The following HDAC9 variants were observed in gnomAD, a reference collection of about 807,000 sequenced individuals.
HDAC9 encodes the protein MEF-2 interacting transcription repressor (MITR) protein.
In HDAC9, 41 loss-of-function variants were observed where a neutral mutation model predicts 139.4. That is an observed-to-expected ratio of 0.29 (90% CI 0.23 to 0.38). The LOEUF (loss-of-function observed/expected upper bound fraction) is 0.38. Ranked by LOEUF, HDAC9 falls within the 10% of genes least tolerant of loss-of-function variation. HDAC9 has a pLI of 1.00. For synonymous variants in HDAC9, 517 were observed against 476.2 expected, an observed-to-expected ratio of 1.09 and a Z score of -1.12; for missense variants, 1,147 against 1,297.0, an observed-to-expected ratio of 0.88 and a Z score of 1.78.
intron 2 of HDAC9, among the ~76,000 whole-genome samples, chr7:18,285,025 A>ATT (rs1242054387): frequency 6.6e-6 from 1 of 152,156 alleles, no homozygotes; most frequent in Admixed American, 6.5e-5. Context: ...AAGGAGAAAA[A>ATT]TTAAAATCCA....
chr7:18,700,356 C>G (rs1019561963), intron 12 of HDAC9, among the ~76,000 whole-genome samples: 4 of 152,170 alleles, frequency 2.6e-5, no homozygotes, highest in African/African-American at 9.7e-5. Context: ...CTCACTGCCC[C>G]CTGTGGCCTT....
chr7:18,179,568 C>T (rs887648360), intron 2 of HDAC9, among the ~76,000 whole-genome samples: 1 of 152,136 alleles, frequency 6.6e-6, no homozygotes, highest in Non-Finnish European at 1.5e-5. Flanking sequence ...TCTCTACCCT[C>T]CCTCTCCTAA....
At chr7:18,473,917 T>A (rs150380028) in intron 1 of HDAC9, among the ~76,000 whole-genome samples, 413 of 152,318 alleles carry the variant, frequency 2.7e-3, no homozygotes, top group Non-Finnish European at 4.9e-3. Context: ...AAAAGACTCT[T>A]GTATGAGTTA....
At chr7:18,455,128 G>T (rs1793223338) in intron 1 of HDAC9, among the ~76,000 whole-genome samples, 1 of 151,872 alleles carries the variant, frequency 6.6e-6, no homozygotes, top group African/African-American at 2.4e-5. Flanking sequence ...AGGAGACAGG[G>T]ACATAGAAAT....
intron 6 of HDAC9, among the ~76,000 whole-genome samples, chr7:18,607,405 C>T (rs1160470438): frequency 6.6e-6 from 1 of 152,216 alleles, no homozygotes; most frequent in East Asian, 1.9e-4. Context: ...GTGTGACCTG[C>T]ACATAGTGCA....
chr7:18,366,873 T>G (rs1784221996), intron 1 of HDAC9, among the ~76,000 whole-genome samples: 1 of 149,566 alleles, frequency 6.7e-6, no homozygotes, highest in Non-Finnish European at 1.5e-5. Context: ...TTCTATATAT[T>G]GTGTACTTAA....
Position 18,860,281 on chromosome 7 carries a change from G to GA in HDAC9, c.2685-14188dup, listed in dbSNP as rs774072404. The stretch of plus-strand genomic sequence containing the variant: ...TTTTTCCTGCTATGTGCCCAACTGA[G>GA]AAAAAAAAATCAGCCTTTCCAAATT... On this transcript the variant is annotated intron_variant, in intron 21 of 25. Coordinates refer to ENST00000686413, the MANE Select transcript of HDAC9 (RefSeq NM_178425.4). 4.0e-4 allele frequency among the ~76,000 whole-genome samples: 61 copies of GA among 150,846 alleles called. 1 individual carries two copies. Among genetic ancestry groups the GA allele is most frequent in the Admixed American group, 7.2e-4 (11 of 15,180 alleles).
At chr7:18,138,220 T>C (rs1328591070) in intron 1 of HDAC9, among the ~76,000 whole-genome samples, 3 of 152,114 alleles carry the variant, frequency 2.0e-5, no homozygotes, top group Non-Finnish European at 4.4e-5. Flanking sequence ...GTCTTGCTAG[T>C]GGTCTATCAA....
At chr7:18,399,021 G>T (rs1430989663) in intron 1 of HDAC9, among the ~76,000 whole-genome samples, 1 of 152,110 alleles carries the variant, frequency 6.6e-6, no homozygotes, top group Non-Finnish European at 1.5e-5. Flanking sequence ...TCACCTTATA[G>T]ATTTTAATAA....
intron 1 of HDAC9, among the ~76,000 whole-genome samples, chr7:18,112,518 A>G (rs914550199): frequency 1.3e-5 from 2 of 152,220 alleles, no homozygotes; most frequent in Non-Finnish European, 2.9e-5. Context: ...ATACACAGTC[A>G]TTGTTTCACT....
At chr7:18,493,543 C>T (rs947543342), upstream of HDAC9, among the ~76,000 whole-genome samples, 9 of 151,822 alleles carry the variant, frequency 5.9e-5, no homozygotes, top group African/African-American at 2.2e-4. Context: ...CCTTCGTTTC[C>T]TCATGAGTGA....
chr7:18,670,717 C>T (rs1320431157), intron 12 of HDAC9, among the ~76,000 whole-genome samples: 6 of 151,950 alleles, frequency 3.9e-5, no homozygotes, highest in African/African-American at 7.2e-5. Flanking sequence ...GTTGGTGCAA[C>T]GATTCTTTAT....
intron 2 of HDAC9, among the ~76,000 whole-genome samples, chr7:18,245,253 C>G (rs562852706): frequency 1.3e-5 from 2 of 152,302 alleles, no homozygotes; most frequent in African/African-American, 4.8e-5. Context: ...TTGCAGGCTG[C>G]CAGCAGGCAT....
At chr7:18,138,665 C>T (rs911908680) in intron 1 of HDAC9, among the ~76,000 whole-genome samples, 4 of 151,896 alleles carry the variant, frequency 2.6e-5, no homozygotes. Context: ...TCTAGGAACT[C>T]CTTTGGACAT....
intron 2 of HDAC9, among the ~76,000 whole-genome samples, chr7:18,250,925 GA>G (rs986978957): frequency 4.0e-4 from 61 of 152,142 alleles, no homozygotes; most frequent in African/African-American, 1.4e-3. Flanking sequence ...GTCTTCTTTT[GA>G]AAAGTGTCTG....
At chr7:18,634,802 C>A in intron 8 of HDAC9, 60 bp downstream of exon 8, 1 of 1,021,626 alleles carries the variant, frequency 9.8e-7, no homozygotes, top group Non-Finnish European at 1.5e-6. Context: ...CTACCTAATA[C>A]AAAGTGATAT....
At chr7:18,525,401 T>C (rs1156797560) in intron 2 of HDAC9, among the ~76,000 whole-genome samples, 2 of 152,172 alleles carry the variant, frequency 1.3e-5, no homozygotes, top group Non-Finnish European at 2.9e-5. Flanking sequence ...CTTAATCATT[T>C]TGGTGATCAT....
At chr7:18,180,072 T>C (rs143010654) in intron 2 of HDAC9, among the ~76,000 whole-genome samples, 99 of 152,320 alleles carry the variant, frequency 6.5e-4, no homozygotes, top group African/African-American at 2.3e-3. Flanking sequence ...TTTGAGCACA[T>C]AGAATTATGC....
intron 17 of HDAC9, among the ~76,000 whole-genome samples, chr7:18,821,005 A>G (rs1794924998): frequency 6.6e-6 from 1 of 152,204 alleles, no homozygotes; most frequent in African/African-American, 2.4e-5. Context: ...ATCAAGTCCA[A>G]GATCAAGGTG....
Sources: gnomAD v4.1 joint callset for allele counts (sites outside exome capture counted in the v4.1 genomes callset) on GRCh38, gnomAD v4.1.1 for gene constraint, MANE v1.5 for transcripts, NCBI Gene and HGNC (gene_info 2026-07-23, HGNC 2026-07-21) for gene names.